The following CABLES1 variants were observed in gnomAD, a reference collection of about 807,000 sequenced individuals.
The protein encoded by CABLES1 is CDK5 and ABL1 enzyme substrate 1.
In CABLES1, 36 loss-of-function variants were observed where a neutral mutation model predicts 57.8. The observed-to-expected ratio is 0.62, with a 90% CI of 0.48 to 0.82. The LOEUF (loss-of-function observed/expected upper bound fraction) is 0.82, where lower values mean the gene tolerates loss of function less well. Ranked by LOEUF, CABLES1 falls within the 40% of genes least tolerant of loss-of-function variation. The pLI is 0.00. For synonymous variants in CABLES1, 374 were observed against 363.0 expected (o/e 1.03, Z -0.35); for missense variants, 767 against 836.6 (o/e 0.92, Z 1.03).
chr18:23,175,388 G>A (rs781656781), intron 1 of CABLES1, among the ~76,000 whole-genome samples: 5 of 152,180 alleles, frequency 3.3e-5, no homozygotes, highest in Non-Finnish European at 5.9e-5. Context: ...TAAGGTCCTG[G>A]CTTTCATTTT....
chr18:23,232,160 C>A (rs575564911), intron 4 of CABLES1, among the ~76,000 whole-genome samples: 19 of 152,338 alleles, frequency 1.2e-4, no homozygotes, highest in Admixed American at 1.2e-3. Context: ...TCAGTATGGG[C>A]TTATTGGAAT....
At position 23,258,373 on chromosome 18, in the gene CABLES1, T is replaced by C. The variant is rs1006682842; in HGVS notation, c.*1006T>C. 6.6e-6 allele frequency: 1 copy of C among 152,384 alleles called. No homozygotes were observed. The highest frequency in any genetic ancestry group is 2.4e-5 in the African/African-American group (1 of 41,464). 9.4% of individuals were successfully genotyped at this position (152,384 alleles called of 1,614,324 possible). A position where few individuals can be genotyped will look rare whatever the true frequency, so the allele number is the denominator to read the frequency against. On this transcript the variant is annotated 3_prime_UTR_variant, in exon 10 of 10. Coordinates refer to ENST00000256925, the MANE Select transcript of CABLES1 (RefSeq NM_001100619.3). ...CCAGAATAGGAGCACGACGCATGAT[T>C]GGTGTTTGAGGCGTTTGCCAGCTGG...
At chr18:23,250,742 G>T (rs2048017643) in intron 7 of CABLES1, among the ~76,000 whole-genome samples, 1 of 152,206 alleles carries the variant, frequency 6.6e-6, no homozygotes, top group South Asian at 2.1e-4. Flanking sequence ...AGACCTTCCT[G>T]ATTGGGCCAG....
rs764589235 is a variant in CABLES1 at position 23,234,667 on chromosome 18, T to C, written c.1148T>C (p.Ile383Thr). 1.1e-5 allele frequency: 18 copies of C among 1,613,662 alleles called. No individual in the cohort carries two copies. The Admixed American group carries it at 3.0e-4, about 27-fold the overall frequency. Residue 383 changes from isoleucine (I) to threonine (T), a missense_variant, in exon 5 of 10, where the codon ATT (isoleucine) becomes ACT (threonine). By Grantham distance (89) the Ile-to-Thr change is moderately conservative. Around this residue, in one of 4 missense-constraint regions of CABLES1, gnomAD observed 529 missense variants for 622.8 expected, o/e 0.85. Transcript: ENST00000256925. ...STGAVSLKEIIGLEGVELGAD... is the reference protein window; with the variant it reads ...STGAVSLKEITGLEGVELGAD... ...GGTGCAGTGAGTTTGAAAGAGATCATTGGTCTGGAAGGTGTGGAGCTGGGT... is the reference window on the plus strand; with the variant it reads ...GGTGCAGTGAGTTTGAAAGAGATCACTGGTCTGGAAGGTGTGGAGCTGGGT...
At chr18:23,169,861 G>T (rs1482676069) in intron 1 of CABLES1, among the ~76,000 whole-genome samples, 1 of 152,122 alleles carries the variant, frequency 6.6e-6, no homozygotes, top group Non-Finnish European at 1.5e-5. Context: ...AGGCTCTCCT[G>T]AGGTTCCTTT....
intron 3 of CABLES1, among the ~76,000 whole-genome samples, chr18:23,200,669 C>A (rs1322189511): frequency 1.3e-5 from 2 of 152,188 alleles, no homozygotes; most frequent in East Asian, 3.8e-4. Flanking sequence ...AACGTGAGTT[C>A]ACTAAGAAAA....
chr18:23,237,046 T>G, intron 6 of CABLES1, 96 bp from the exon 7 acceptor site: 1 of 792,214 alleles, frequency 1.3e-6, no homozygotes, highest in Non-Finnish European at 2.3e-6. Flanking sequence ...CCAGCCTTTC[T>G]TCATTCCAGC....
At position 23,171,380 on chromosome 18, in the gene CABLES1, A is replaced by C. The variant is rs571555371; in HGVS notation, c.846-17458A>C. Among the ~76,000 whole-genome samples, 42 of 152,316 alleles carry C rather than the reference A, an allele frequency of 2.8e-4. No homozygotes were observed. In the South Asian group the frequency reaches 6.4e-3, roughly 23 times the overall value. ...AAATGAAGGGTGGATGACTGAATGC[A>C]TCAATGAGTGAGTTTATAATGTGAC... On this transcript the variant is annotated intron_variant, in intron 1 of 9. Transcript: ENST00000256925.
rs142057348 is a variant in CABLES1 at position 23,181,644 on chromosome 18, A to G, written c.846-7194A>G. ...CCTGGTGAGGGGAATTTGTTCCTGT[A>G]TTCAGCCAGCCATGATTGAGTACCT... On this transcript the variant is annotated intron_variant, in intron 1 of 9. Coordinates refer to ENST00000256925, the MANE Select transcript of CABLES1 (RefSeq NM_001100619.3). Among the ~76,000 whole-genome samples the G allele has an allele frequency of 4.1e-4, 62 of 151,606 alleles. 1 individual carries two copies. The highest frequency in any genetic ancestry group is 1.3e-3 in the African/African-American group (52 of 41,376).
At chr18:23,211,174 A>G (rs1178902103) in intron 3 of CABLES1, among the ~76,000 whole-genome samples, 1 of 151,978 alleles carries the variant, frequency 6.6e-6, no homozygotes, top group East Asian at 1.9e-4. Flanking sequence ...ACTTGCATTT[A>G]TATTCTCTCA....
At chr18:23,147,432 T>C (rs1221003497) in intron 1 of CABLES1, among the ~76,000 whole-genome samples, 1 of 152,224 alleles carries the variant, frequency 6.6e-6, no homozygotes, top group Non-Finnish European at 1.5e-5. Flanking sequence ...AATGCAACAC[T>C]AAACACCTAG....
chr18:23,234,190 C>T (rs2047585871), intron 4 of CABLES1, among the ~76,000 whole-genome samples: 1 of 152,152 alleles, frequency 6.6e-6, no homozygotes, highest in Non-Finnish European at 1.5e-5. Flanking sequence ...TGCATTGCAG[C>T]CTGGGCAACA....
chr18:23,255,140 A>G (rs780825359), intron 9 of CABLES1, among the ~76,000 whole-genome samples: 1 of 152,088 alleles, frequency 6.6e-6, no homozygotes, highest in Non-Finnish European at 1.5e-5. Flanking sequence ...TGTGAGGCCC[A>G]TGGAGGAGGT....
intron 4 of CABLES1, among the ~76,000 whole-genome samples, chr18:23,231,549 G>A (rs2047567086): frequency 1.3e-5 from 2 of 152,158 alleles, no homozygotes; most frequent in African/African-American, 4.8e-5. Context: ...TAGAAAGCCA[G>A]GGGGAAGTGG....
At position 23,236,059 on chromosome 18, in the gene CABLES1, T is replaced by C; in HGVS notation, c.1342+8T>C. On this transcript the variant is annotated splice_region_variant and intron_variant, in intron 6 of 9. Transcript: ENST00000256925. ...AGGGGAGCCTCGACACAGGTAACCTTGGCCTGGCTGGGTCTGGTAGCTCGT... is the reference window on the plus strand; with the variant it reads ...AGGGGAGCCTCGACACAGGTAACCTCGGCCTGGCTGGGTCTGGTAGCTCGT... 6.2e-7 allele frequency: 1 copy of C among 1,613,658 alleles called. No homozygotes were observed.
At chr18:23,141,923 T>C (rs2046860534) in intron 1 of CABLES1, among the ~76,000 whole-genome samples, 1 of 152,014 alleles carries the variant, frequency 6.6e-6, no homozygotes, top group Admixed American at 6.6e-5. Flanking sequence ...TTCTGGAGGG[T>C]AGAATAGGAG....
At chr18:23,151,286 G>A (rs1170070258) in intron 1 of CABLES1, among the ~76,000 whole-genome samples, 4 of 151,900 alleles carry the variant, frequency 2.6e-5, no homozygotes. Context: ...CCAAAGTGCT[G>A]GGATTACATG....
intron 4 of CABLES1, among the ~76,000 whole-genome samples, chr18:23,218,400 CCGCA>C (rs2047459399): frequency 1.2e-5 from 1 of 84,552 alleles, no homozygotes; most frequent in African/African-American, 5.4e-5. Flanking sequence ...GCCCTGGTTC[CCGCA>C]TCCTCACTTG....
chr18:23,158,380 C>T (rs2046979550), intron 1 of CABLES1, among the ~76,000 whole-genome samples: 2 of 152,136 alleles, frequency 1.3e-5, no homozygotes, highest in East Asian at 3.8e-4. Flanking sequence ...AATCCATGCC[C>T]GGCACCCTGT....
Sources: gnomAD v4.1 joint callset for allele counts (sites outside exome capture counted in the v4.1 genomes callset) on GRCh38, gnomAD v4.1.1 for gene constraint, gnomAD v4.1.1 regional missense constraint, MANE v1.5 for transcripts, NCBI Gene and HGNC (gene_info 2026-07-23, HGNC 2026-07-21) for gene names.